OSBPL10: variants seen among roughly 807,000 people sequenced by gnomAD.
OSBPL10 encodes oxysterol binding protein like 10.
OSBPL10 carries 49 observed loss-of-function variants against 81.7 expected under a neutral mutation model. That is an observed-to-expected ratio of 0.60 (90% CI 0.48 to 0.76). OSBPL10 has a LOEUF of 0.76. OSBPL10 is among the 30% of genes least tolerant of loss of function. The pLI, the probability that OSBPL10 is intolerant of heterozygous loss-of-function variation, is 0.00. For synonymous variants in OSBPL10, 419 were observed against 383.6 expected (o/e 1.09, Z -1.08); for missense variants, 923 against 987.8 (o/e 0.93, Z 0.88).
At chr3:31,683,595 CTG>C (rs1394228933) in intron 8 of OSBPL10, 37 bp downstream of exon 8, 9 of 1,585,074 alleles carry the variant, frequency 5.7e-6, no homozygotes, top group Non-Finnish European at 7.7e-6. Flanking sequence ...AGAAACGTCA[CTG>C]TGTAAGAGCC....
intron 6 of OSBPL10, among the ~76,000 whole-genome samples, chr3:31,725,038 T>C (rs187381312): frequency 1.4e-3 from 208 of 152,330 alleles, no homozygotes; most frequent in African/African-American, 4.9e-3. Context: ...GAAACGTCAC[T>C]TGGTTAAGAG....
rs1700144991 is a variant in OSBPL10 at position 31,828,184 on chromosome 3, AT to A, written c.729+1855del. ...ATGAGGTCTACATAAAAGTGAAATG[AT>A]GGTATCATAGTTAAGTGTTGTGTCA... On this transcript the variant is annotated intron_variant, in intron 4 of 11. Coordinates refer to ENST00000396556, the MANE Select transcript of OSBPL10 (RefSeq NM_017784.5). 2.0e-5 allele frequency among the ~76,000 whole-genome samples: 3 copies of A among 152,374 alleles called. No homozygotes were observed. The South Asian group carries it at 6.2e-4, about 32-fold the overall frequency.
chr3:31,702,226 A>G, intron 7 of OSBPL10, 133 bp downstream of exon 7: 1 of 1,073,936 alleles, frequency 9.3e-7, no homozygotes, highest in Non-Finnish European at 1.3e-6. Flanking sequence ...CATACTTGAA[A>G]GCAATGCTGG....
At chr3:31,860,852 T>A (rs1261101934) in intron 3 of OSBPL10, among the ~76,000 whole-genome samples, 1 of 138,964 alleles carries the variant, frequency 7.2e-6, no homozygotes, top group Non-Finnish European at 1.5e-5. Context: ...GTGGGGTTTT[T>A]TGGGGTTTTT....
chr3:31,957,714 C>T (rs1327548205), intron 1 of OSBPL10, among the ~76,000 whole-genome samples: 1 of 152,136 alleles, frequency 6.6e-6, no homozygotes, highest in Non-Finnish European at 1.5e-5. Context: ...AATCTCGGCT[C>T]ACTGCAACCT....
intron 1 of OSBPL10, among the ~76,000 whole-genome samples, chr3:31,887,925 T>A (rs917873875): frequency 2.0e-5 from 3 of 152,018 alleles, no homozygotes; most frequent in African/African-American, 7.2e-5. Flanking sequence ...ACCATCACCA[T>A]CCTCCCAAAC....
chr3:31,768,216 T>C (rs1698260529), intron 4 of OSBPL10, among the ~76,000 whole-genome samples: 1 of 152,154 alleles, frequency 6.6e-6, no homozygotes, highest in Non-Finnish European at 1.5e-5. Flanking sequence ...ATAATTAGCA[T>C]ATGACCAGTA....
rs201594298 is a variant in OSBPL10, at chr3:32,028,926, G to GAACACACACACACACACA, written n.298+17564_298+17565insTGTGTGTGTGTGTGTGTT. 4.5e-5 allele frequency among the ~76,000 whole-genome samples: 3 copies of GAACACACACACACACACA among 67,210 alleles called. 1 individual carries two copies. The highest frequency in any genetic ancestry group is 1.1e-3 in the East Asian group (2 of 1,852). 44.1% of individuals were successfully genotyped at this position (67,210 alleles called of 152,430 possible). A position where few individuals can be genotyped will look rare whatever the true frequency, so the allele number is the denominator to read the frequency against. On this transcript the variant is annotated intron_variant and non_coding_transcript_variant, in intron 2 of 3. Transcript: ENST00000479173. ...TATTGTTACAGTAGGTAGCTAGTCA[G>GAACACACACACACACACA]GACACACACACACACACACACACAC...
chr3:31,818,033 G>A (rs1699888701), intron 4 of OSBPL10, among the ~76,000 whole-genome samples: 1 of 152,194 alleles, frequency 6.6e-6, no homozygotes, highest in Non-Finnish European at 1.5e-5. Context: ...TTGAGCCTGG[G>A]AGGTGGAAGT....
At chr3:31,980,107 C>G (rs1264523372) in intron 1 of OSBPL10, among the ~76,000 whole-genome samples, 3 of 151,808 alleles carry the variant, frequency 2.0e-5, no homozygotes, top group African/African-American at 4.8e-5. Context: ...GGGGTTCAAG[C>G]GATTCTCCTG....
intron 2 of OSBPL10, among the ~76,000 whole-genome samples, chr3:32,020,192 C>T (rs1699348647): frequency 6.6e-6 from 1 of 152,170 alleles, no homozygotes; most frequent in Non-Finnish European, 1.5e-5. Flanking sequence ...CATAAATTCA[C>T]CCATTGTAAG....
At chr3:31,733,038 T>A in intron 6 of OSBPL10, 2 of 597,646 alleles carry the variant, frequency 3.3e-6, no homozygotes, top group South Asian at 4.4e-5. Flanking sequence ...AGATTCCTCA[T>A]TCGTAGGATC....
chr3:31,959,670 G>T (rs989114972), intron 1 of OSBPL10, among the ~76,000 whole-genome samples: 2 of 152,136 alleles, frequency 1.3e-5, no homozygotes, highest in Non-Finnish European at 2.9e-5. Context: ...CACCTTTCTG[G>T]AGTTTTTCCA....
At chr3:31,852,804 C>T (rs1559492308) in intron 3 of OSBPL10, among the ~76,000 whole-genome samples, 1 of 152,076 alleles carries the variant, frequency 6.6e-6, no homozygotes, top group African/African-American at 2.4e-5. Context: ...GTCTTGAACT[C>T]CTGACCTCAA....
In OSBPL10 at chr3:31,668,818, G is replaced by T; in HGVS notation, c.1920C>A (p.Thr640=). The change falls in exon 10 of 12, where the codon ACC becomes ACA. Residue 640 remains threonine, a synonymous_variant. Transcript: ENST00000396556. The part of the protein sequence containing the change: ...PFYGGKVHRV[T]AEVKHNPTNT... ...TGGTTGGGTTGTGCTTCACTTCTGC[G>T]GTAACCCTGAATTAATGAGTCAAAT... The T allele has an allele frequency of 6.2e-7, 1 of 1,605,372 alleles. No individual in the cohort carries two copies. The highest frequency in any genetic ancestry group is 8.5e-7 in the Non-Finnish European group (1 of 1,174,512).
intron 10 of OSBPL10, among the ~76,000 whole-genome samples, 172 bp downstream of exon 10, chr3:31,668,470 T>G (rs1036678105): frequency 1.3e-5 from 2 of 152,228 alleles, no homozygotes; most frequent in African/African-American, 4.8e-5. Flanking sequence ...GCTGAAAGGT[T>G]CTGCTCCTAA....
chr3:31,776,813 C>A (rs528413080), intron 4 of OSBPL10, among the ~76,000 whole-genome samples: 2 of 152,164 alleles, frequency 1.3e-5, no homozygotes, highest in African/African-American at 2.4e-5. Flanking sequence ...GACTGCTACA[C>A]AGGTATGGAG....
chr3:31,980,745 G>T (rs1698812255), intron 1 of OSBPL10, among the ~76,000 whole-genome samples, 154 bp downstream of exon 1: 1 of 152,232 alleles, frequency 6.6e-6, no homozygotes, highest in Non-Finnish European at 1.5e-5. Context: ...GGGGAGCAGG[G>T]ACGCAGGAAG....
intron 1 of OSBPL10, among the ~76,000 whole-genome samples, chr3:31,922,708 A>G (rs1472420849): frequency 6.6e-6 from 1 of 152,190 alleles, no homozygotes; most frequent in Non-Finnish European, 1.5e-5. Flanking sequence ...AAAGAGAAGA[A>G]AGGCAGGACA....
Sources: gnomAD v4.1 joint callset for allele counts (sites outside exome capture counted in the v4.1 genomes callset) on GRCh38, gnomAD v4.1.1 for gene constraint, MANE v1.5 for transcripts, NCBI Gene and HGNC (gene_info 2026-07-23, HGNC 2026-07-21) for gene names.